The following PICALM variants were observed in gnomAD, a reference collection of about 807,000 sequenced individuals.
The protein encoded by PICALM is phosphatidylinositol-binding clathrin assembly protein.
In PICALM, 40 loss-of-function variants were observed where a neutral mutation model predicts 80.5. That is an observed-to-expected ratio of 0.50 (90% CI 0.39 to 0.65). The LOEUF (loss-of-function observed/expected upper bound fraction) is 0.65. Among genes scored for constraint, PICALM ranks in the 30% least tolerant of loss-of-function variants. PICALM has a pLI of 0.00. For synonymous variants in PICALM, 288 were observed against 260.3 expected, an observed-to-expected ratio of 1.11 and a Z score of -1.02; for missense variants, 676 against 778.9, an observed-to-expected ratio of 0.87 and a Z score of 1.57.
At chr11:86,032,788 T>C (rs1195889653) in intron 1 of PICALM, among the ~76,000 whole-genome samples, 1 of 152,204 alleles carries the variant, frequency 6.6e-6, no homozygotes, top group Non-Finnish European at 1.5e-5. Context: ...TTGTTCACTT[T>C]TAATCTTCAG....
At chr11:85,970,161 T>C (rs553593025) in intron 19 of PICALM, among the ~76,000 whole-genome samples, 1 of 152,300 alleles carries the variant, frequency 6.6e-6, no homozygotes, top group South Asian at 2.1e-4. Context: ...ATGAAGCTTA[T>C]AATCTAGTAA....
At chr11:86,017,222 C>CAAAA (rs11326179) in intron 4 of PICALM, among the ~76,000 whole-genome samples, 1 of 137,016 alleles carries the variant, frequency 7.3e-6, no homozygotes, top group Non-Finnish European at 1.6e-5. Flanking sequence ...GACTCTGTCT[C>CAAAA]AAAAAAAAAA....
At chr11:85,984,686 C>G (rs998632377) in intron 13 of PICALM, among the ~76,000 whole-genome samples, 3 of 152,164 alleles carry the variant, frequency 2.0e-5, no homozygotes, top group African/African-American at 7.2e-5. Context: ...TTTTGCAACA[C>G]AAAACCATTA....
At chr11:86,040,059 G>C (rs2095929683) in intron 1 of PICALM, among the ~76,000 whole-genome samples, 1 of 147,884 alleles carries the variant, frequency 6.8e-6, no homozygotes, top group South Asian at 2.2e-4. Context: ...TGCAGATGCA[G>C]AGATCAGAAA....
intron 5 of PICALM, among the ~76,000 whole-genome samples, chr11:86,012,747 G>GCA (rs2136303025): frequency 6.6e-6 from 1 of 150,566 alleles, no homozygotes; most frequent in East Asian, 1.9e-4. Context: ...GAAAAACTAA[G>GCA]CACAAAATTG....
chr11:86,051,070 A>C (rs184651413), intron 1 of PICALM, among the ~76,000 whole-genome samples: 8 of 152,358 alleles, frequency 5.3e-5, no homozygotes, highest in Admixed American at 3.3e-4. Flanking sequence ...CAATGATAAT[A>C]AGATATGCAA....
At chr11:86,009,529 T>C (rs1286994783) in intron 7 of PICALM, among the ~76,000 whole-genome samples, 1 of 150,966 alleles carries the variant, frequency 6.6e-6, no homozygotes, top group East Asian at 2.0e-4. Context: ...CCGTCTCTAC[T>C]AAAAATACAA....
At chr11:85,979,356 G>C (rs952204616) in intron 17 of PICALM, among the ~76,000 whole-genome samples, 1 of 151,954 alleles carries the variant, frequency 6.6e-6, no homozygotes, top group Admixed American at 6.6e-5. Flanking sequence ...TGGACCTGGT[G>C]GTGGGCACCT....
intron 4 of PICALM, among the ~76,000 whole-genome samples, chr11:86,015,389 TAAC>T (rs1287954860): frequency 1.3e-5 from 2 of 152,190 alleles, no homozygotes; most frequent in Non-Finnish European, 2.9e-5. Flanking sequence ...GGCCAAGAGT[TAAC>T]AAAGTCTTAG....
chr11:85,983,235 A>G (rs2094494167), intron 14 of PICALM, among the ~76,000 whole-genome samples: 1 of 152,236 alleles, frequency 6.6e-6, no homozygotes, highest in Non-Finnish European at 1.5e-5. Context: ...TCCGATGGTA[A>G]GAACAGAATT....
chr11:86,020,227 T>C (rs1267265544), intron 4 of PICALM, among the ~76,000 whole-genome samples: 2 of 151,658 alleles, frequency 1.3e-5, no homozygotes, highest in Non-Finnish European at 2.9e-5. Flanking sequence ...TGAAAAAAGA[T>C]CCAAATAAAC....
In PICALM at chr11:86,069,032, G is replaced by A. The variant is rs2096486459; in HGVS notation, c.-252C>T. On this transcript the variant is annotated 5_prime_UTR_variant, in exon 1 of 20. Coordinates refer to ENST00000393346, the MANE Select transcript of PICALM (RefSeq NM_007166.4). ...CCTCAGTTCAGCCCACCCCTTCCCG[G>A]GTCAGCTGGAGCCGGGCAGGGTAAG... The A allele has an allele frequency of 4.4e-6, 2 of 450,208 alleles. No homozygotes were observed. Among genetic ancestry groups the A allele is most frequent in the African/African-American group, 2.0e-5 (1 of 49,154 alleles). The allele number at this position is 450,208 out of a possible 1,614,324, so 27.9% of individuals were successfully genotyped here.
chr11:86,062,547 T>C (rs2096385084), intron 1 of PICALM, among the ~76,000 whole-genome samples: 1 of 151,476 alleles, frequency 6.6e-6, no homozygotes. Context: ...ATGTAAACCA[T>C]GGACTTTGGG....
intron 17 of PICALM, among the ~76,000 whole-genome samples, chr11:85,980,386 T>A (rs2094405764): frequency 6.6e-6 from 1 of 152,214 alleles, no homozygotes; most frequent in East Asian, 1.9e-4. Context: ...TATTTCCTCT[T>A]TCATAAAATA....
chr11:85,997,445 C>T (rs924665906), intron 11 of PICALM, among the ~76,000 whole-genome samples: 32 of 152,254 alleles, frequency 2.1e-4, no homozygotes, highest in African/African-American at 6.7e-4. Flanking sequence ...CACCCCATCA[C>T]ACAACACACT....
chr11:86,051,182 T>C (rs1194127451), intron 1 of PICALM, among the ~76,000 whole-genome samples: 1 of 152,192 alleles, frequency 6.6e-6, no homozygotes, highest in Non-Finnish European at 1.5e-5. Context: ...CTGGTATTCG[T>C]TTCCAAAGGA....
At chr11:86,014,725 T>A in intron 5 of PICALM, 145 bp downstream of exon 5, 2 of 474,374 alleles carry the variant, frequency 4.2e-6, no homozygotes, top group Non-Finnish European at 7.3e-6. Flanking sequence ...GTAATTTGAC[T>A]TGAGACTATT....
intron 19 of PICALM, among the ~76,000 whole-genome samples, chr11:85,972,134 T>C (rs987723594): frequency 8.5e-5 from 13 of 152,186 alleles, no homozygotes; most frequent in Admixed American, 7.9e-4. Flanking sequence ...AAAAAATGTT[T>C]AGGTTTTTAA....
intron 1 of PICALM, among the ~76,000 whole-genome samples, chr11:86,052,755 A>G (rs1018463886): frequency 6.6e-6 from 1 of 152,206 alleles, no homozygotes; most frequent in Non-Finnish European, 1.5e-5. Context: ...CCAAAAAGCT[A>G]TATCTAAAGG....
Sources: allele counts gnomAD v4.1 joint callset (sites outside exome capture counted in the v4.1 genomes callset), GRCh38; gene constraint gnomAD v4.1.1; transcripts MANE v1.5; gene names NCBI Gene and HGNC (gene_info 2026-07-23, HGNC 2026-07-21).